Variants in SLC60A1 observed in about 807,000 individuals in gnomAD.
The protein encoded by SLC60A1 is major facilitator superfamily domain containing 4.
the SLC60A1 span, chr1:205,599,232 G>A: frequency 1.6e-5 from 26 of 1,613,960 alleles, no homozygotes; most frequent in Non-Finnish European, 2.1e-5. Context: ...TCCACAGGAT[G>A]CACCCTGGAC....
chr1:205,594,435 C>A, the SLC60A1 span, among the ~76,000 whole-genome samples: 1 of 152,086 alleles, frequency 6.6e-6, no homozygotes, highest in Admixed American at 6.6e-5. Flanking sequence ...GCGGGTGGAT[C>A]ACTTGAAGTC....
chr1:205,590,788 T>C, the SLC60A1 span, among the ~76,000 whole-genome samples: 576 of 152,328 alleles, frequency 3.8e-3, 4 homozygotes, highest in African/African-American at 0.013. Flanking sequence ...CTCAAAGCCA[T>C]AGGCTGCTAT....
At chr1:205,592,081 C>T in the SLC60A1 span, 1 of 1,601,824 alleles carries the variant, frequency 6.2e-7, no homozygotes, top group African/African-American at 1.3e-5. Flanking sequence ...CTGGCGGTTC[C>T]TCACCACCGA....
the SLC60A1 span, chr1:205,581,002 T>C: frequency 6.6e-7 from 1 of 1,513,450 alleles, no homozygotes; most frequent in Non-Finnish European, 8.9e-7. This position sits in a 1 kb window ranked among gnomAD's most constrained non-coding sequence, Gnocchi z 4.2. Context: ...CAGTGAAGAT[T>C]CTTCAGATGC....
chr1:205,579,923 C>G, the SLC60A1 span: 2 of 1,613,832 alleles, frequency 1.2e-6, no homozygotes, highest in Non-Finnish European at 1.7e-6. Context: ...AAGGATGTAC[C>G]AGAAGGACTC....
chr1:205,581,941 A>G, the SLC60A1 span, among the ~76,000 whole-genome samples: 67 of 152,192 alleles, frequency 4.4e-4, no homozygotes, highest in African/African-American at 2.4e-5. This position sits in a 1 kb window ranked among gnomAD's most constrained non-coding sequence, Gnocchi z 4.2. Flanking sequence ...AGGGACTGAT[A>G]GGAGGCTGAG....
At chr1:205,569,465 C>G in the SLC60A1 span, among the ~76,000 whole-genome samples, 15 of 146,316 alleles carry the variant, frequency 1.0e-4, 1 homozygote, top group Non-Finnish European at 1.5e-4. Flanking sequence ...CCATCTTGGC[C>G]GAAGAGCTGC....
At chr1:205,571,182 C>T in the SLC60A1 span, among the ~76,000 whole-genome samples, 17 of 152,208 alleles carry the variant, frequency 1.1e-4, no homozygotes, top group Non-Finnish European at 1.5e-4. Flanking sequence ...AACCACCTTG[C>T]GAAGTAGTAC....
At chr1:205,591,504 G>A in the SLC60A1 span, among the ~76,000 whole-genome samples, 673 of 71,670 alleles carry the variant, frequency 9.4e-3, 18 homozygotes, top group Middle Eastern at 0.036. Context: ...AAAAAAAAAG[G>A]AAAGAAAAGA....
At chr1:205,579,820 C>A in the SLC60A1 span, 1 of 1,614,200 alleles carries the variant, frequency 6.2e-7, no homozygotes, top group Non-Finnish European at 8.5e-7. Flanking sequence ...CCGTCATCCC[C>A]TTCTGCCGCG....
the SLC60A1 span, among the ~76,000 whole-genome samples, chr1:205,590,134 G>A: frequency 1.3e-5 from 2 of 152,186 alleles, no homozygotes; most frequent in African/African-American, 4.8e-5. Context: ...AGCTTTAGGT[G>A]CAAGTCCGGA....
chr1:205,589,910 T>C, the SLC60A1 span, among the ~76,000 whole-genome samples: 3 of 152,142 alleles, frequency 2.0e-5, no homozygotes, highest in Admixed American at 6.5e-5. Flanking sequence ...GGATCGAACA[T>C]GTTTTTTGAG....
the SLC60A1 span, chr1:205,598,934 C>G: frequency 1.5e-6 from 1 of 664,916 alleles, no homozygotes; most frequent in East Asian, 2.7e-5. Flanking sequence ...TGCCTTAGAG[C>G]AGGACTTCGG....
the SLC60A1 span, chr1:205,601,011 G>C: frequency 6.6e-6 from 1 of 152,340 alleles, no homozygotes. Context: ...AGGAAAAGTT[G>C]AATCTTGCTC....
At chr1:205,597,378 T>TG in the SLC60A1 span, among the ~76,000 whole-genome samples, 16 of 82,476 alleles carry the variant, frequency 1.9e-4, no homozygotes, top group Admixed American at 4.7e-4. Flanking sequence ...AGGTTGTTTT[T>TG]TTTTTTTTTT....
chr1:205,584,485 A>G, the SLC60A1 span, among the ~76,000 whole-genome samples: 1 of 150,598 alleles, frequency 6.6e-6, no homozygotes, highest in Non-Finnish European at 1.5e-5. Context: ...CGGCCTCCCA[A>G]AGTGCTGGGA....
At chr1:205,569,021 G>A in the SLC60A1 span, 7 of 1,242,138 alleles carry the variant, frequency 5.6e-6, no homozygotes, top group African/African-American at 6.4e-5. Flanking sequence ...GGCGGCACTC[G>A]GGCACCGGGC....
At chr1:205,573,972 C>T in the SLC60A1 span, among the ~76,000 whole-genome samples, 1 of 151,804 alleles carries the variant, frequency 6.6e-6, no homozygotes, top group African/African-American at 2.4e-5. Flanking sequence ...GCTGGGATTA[C>T]AGGTGTGAGC....
chr1:205,595,041 G>A, the SLC60A1 span: 1 of 152,270 alleles, frequency 6.6e-6, no homozygotes, highest in African/African-American at 2.4e-5. Flanking sequence ...AAACAGGGCT[G>A]TGCTTACTTC....
Sources: gnomAD v4.1 joint callset for allele counts (sites outside exome capture counted in the v4.1 genomes callset) on GRCh38, gnomAD v4.1.1 for gene constraint, Gnocchi (gnomAD v3.1) non-coding constraint, MANE v1.5 for transcripts, NCBI Gene and HGNC (gene_info 2026-07-23, HGNC 2026-07-21) for gene names.